Variants in PACS2 observed in about 807,000 individuals in gnomAD.
The protein encoded by PACS2 is phosphofurin acidic cluster sorting protein 2.
Under a neutral mutation model 113.0 loss-of-function variants are expected in PACS2, and 36 were observed. The observed-to-expected ratio is 0.32, with a 90% CI of 0.24 to 0.42. PACS2 has a LOEUF of 0.42. Ranked by LOEUF, PACS2 falls within the 10% of genes least tolerant of loss-of-function variation. The pLI is 1.00. For missense variants in PACS2, 1,015 were observed against 1,239.5 expected (o/e 0.82, Z 2.72); for synonymous variants, 589 against 536.1 (o/e 1.10, Z -1.36).
At chr14:105,359,587 CTTT>C (rs1162190552) in intron 4 of PACS2, among the ~76,000 whole-genome samples, 4 of 101,808 alleles carry the variant, frequency 3.9e-5, no homozygotes, top group African/African-American at 1.6e-4. Context: ...GTATTTCTTT[CTTT>C]TTTTTTTTTT....
rs587645054 is a variant in PACS2, at chr14:105,376,484, C to T, written c.802-284C>T. 1.1e-4 allele frequency among the ~76,000 whole-genome samples: 17 copies of T among 152,268 alleles called. No homozygotes were observed. The highest frequency in any genetic ancestry group is 1.9e-4 in the Non-Finnish European group (13 of 68,014). ...AGTGGCCCACACCCGTCAGAGCTCA[C>T]CTGCCTGCACCCAGGCCCTCCGTGC... is the stretch of plus-strand genomic sequence containing the variant. On this transcript the variant is annotated intron_variant, in intron 8 of 24. Transcript: ENST00000447393. This position sits in a 1 kb window ranked among gnomAD's most constrained non-coding sequence, Gnocchi z 4.7.
At chr14:105,344,800 GTTC>G (rs2059857876) in intron 1 of PACS2, among the ~76,000 whole-genome samples, 2 of 152,200 alleles carry the variant, frequency 1.3e-5, no homozygotes, top group South Asian at 2.1e-4. Context: ...GGTTTAATAT[GTTC>G]TTCTAGTTTC....
chr14:105,314,968 A>G lies in PACS2; in HGVS notation c.50A>G (p.Asn17Ser). The G allele has an allele frequency of 8.2e-7, 1 of 1,223,330 alleles. No homozygotes were observed. The highest frequency in any genetic ancestry group is 1.6e-5 in the South Asian group (1 of 60,670). The allele number at this position is 1,223,330 out of a possible 1,614,324, so 75.8% of individuals were successfully genotyped here. A position where few individuals can be genotyped will look rare whatever the true frequency, so the allele number is the denominator to read the frequency against. The change falls in exon 1 of 25, where the codon AAC (asparagine) becomes AGC (serine). Residue 17 changes from asparagine to serine, a missense_variant. By Grantham distance (46) the Asn-to-Ser change is conservative. Around this residue, in one of 3 missense-constraint regions of PACS2, gnomAD observed 140 missense variants for 135.1 expected, o/e 1.04. Coordinates refer to ENST00000447393, the MANE Select transcript of PACS2 (RefSeq NM_001100913.3). ...LGLPGAPGALNTPVPMNLFAT... is the reference protein window; with the variant it reads ...LGLPGAPGALSTPVPMNLFAT... ...CTCCCCGGCGCGCCCGGCGCGCTCAACACGCCCGTGCCCATGAACCTGTTC... is the reference window on the plus strand; with the variant it reads ...CTCCCCGGCGCGCCCGGCGCGCTCAGCACGCCCGTGCCCATGAACCTGTTC...
At chr14:105,391,825 A>T in intron 22 of PACS2, 59 bp downstream of exon 22, 2 of 1,498,638 alleles carry the variant, frequency 1.3e-6, no homozygotes, top group Non-Finnish European at 1.8e-6. Context: ...ATGCTGCCTG[A>T]TTCAGTCATC....
intron 6 of PACS2, 84 bp from the exon 7 acceptor site, chr14:105,368,375 C>T (rs947253074): frequency 1.7e-5 from 18 of 1,090,896 alleles, no homozygotes; most frequent in Non-Finnish European, 2.4e-5. Context: ...CCGGGCCTCT[C>T]CCATCGCCCA....
rs1555412299 is a variant in PACS2 at position 105,382,463 on chromosome 14, C to T, written c.1414-14C>T. 1 of 1,477,482 alleles carries T rather than the reference C, an allele frequency of 6.8e-7. No individual in the cohort carries two copies. The highest frequency in any genetic ancestry group is 9.5e-7 in the Non-Finnish European group (1 of 1,055,782). 91.5% of individuals were successfully genotyped at this position (1,477,482 alleles called of 1,614,324 possible). ...GCTTCTCTTCTGGGTGTGGACAGGGCTCTGTGCCTCCAGATCCCCAGGAAG... is the reference window on the plus strand; with the variant it reads ...GCTTCTCTTCTGGGTGTGGACAGGGTTCTGTGCCTCCAGATCCCCAGGAAG... On this transcript the variant is annotated splice_polypyrimidine_tract_variant and intron_variant, in intron 13 of 24. Coordinates refer to ENST00000447393, the MANE Select transcript of PACS2 (RefSeq NM_001100913.3).
intron 1 of PACS2, among the ~76,000 whole-genome samples, chr14:105,320,009 C>T (rs587674262): frequency 4.9e-4 from 74 of 152,244 alleles, no homozygotes; most frequent in African/African-American, 1.7e-3. Context: ...GACAGAGTCT[C>T]GCTCTGTTAC....
rs1454495561 is a variant in PACS2 at position 105,358,773 on chromosome 14, G to A, written c.423+3596G>A. Among the ~76,000 whole-genome samples, 2 of 152,200 alleles carry A rather than the reference G, an allele frequency of 1.3e-5. No individual in the cohort carries two copies. The highest frequency in any genetic ancestry group is 4.8e-5 in the African/African-American group (2 of 41,444). ...GTCCAGCCCAAGGGGACCTGTGAGG[G>A]GCGGGCGGCTCATGGTGGGACACAG... On this transcript the variant is annotated intron_variant, in intron 4 of 24. Coordinates refer to ENST00000447393, the MANE Select transcript of PACS2 (RefSeq NM_001100913.3). The surrounding 1 kb of genome is among the most constrained non-coding windows in gnomAD (Gnocchi z 4.9).
At chr14:105,305,824 A>C (rs1326675913) in intron 1 of PACS2, among the ~76,000 whole-genome samples, 1 of 152,242 alleles carries the variant, frequency 6.6e-6, no homozygotes, top group Non-Finnish European at 1.5e-5. Flanking sequence ...GAGCACCCAC[A>C]CTGGGCACCC....
At chr14:105,302,497 A>G (rs760784968) in intron 1 of PACS2, among the ~76,000 whole-genome samples, 1 of 145,062 alleles carries the variant, frequency 6.9e-6, no homozygotes, top group Non-Finnish European at 1.5e-5. Flanking sequence ...GCCACCGTGC[A>G]TGGCCCTATT....
Position 105,365,438 on chromosome 14 carries a change from C to T in PACS2, c.424-1775C>T, listed in dbSNP as rs2060911836. ...AGTGGAGCGGGGGCTAATCAACAAC[C>T]CGCCCCTGGCCCGCTGCGGGCCCAG... On this transcript the variant is annotated intron_variant, in intron 4 of 24. Transcript: ENST00000447393. This position sits in a 1 kb window ranked among gnomAD's most constrained non-coding sequence, Gnocchi z 5.1. Among the ~76,000 whole-genome samples, 1 of 152,144 alleles carries T rather than the reference C, an allele frequency of 6.6e-6. No homozygotes were observed. The highest frequency in any genetic ancestry group is 2.4e-5 in the African/African-American group (1 of 41,428).
intron 1 of PACS2, among the ~76,000 whole-genome samples, chr14:105,322,863 A>T (rs2058953089): frequency 6.6e-6 from 1 of 152,212 alleles, no homozygotes; most frequent in Non-Finnish European, 1.5e-5. Context: ...TCCTTTAGTG[A>T]GGATCTGCTG....
At chr14:105,369,162 G>A (rs2061058252) in intron 7 of PACS2, among the ~76,000 whole-genome samples, 2 of 152,240 alleles carry the variant, frequency 1.3e-5, no homozygotes, top group South Asian at 4.1e-4. Context: ...GCCTCCTCTG[G>A]CAGCATTCAA....
At chr14:105,391,824 G>A (rs1420184452) in intron 22 of PACS2, 58 bp downstream of exon 22, 3 of 1,502,106 alleles carry the variant, frequency 2.0e-6, no homozygotes, top group Non-Finnish European at 2.7e-6. Context: ...CATGCTGCCT[G>A]ATTCAGTCAT....
intron 1 of PACS2, among the ~76,000 whole-genome samples, chr14:105,341,789 A>G (rs1171756352): frequency 1.3e-5 from 2 of 152,180 alleles, no homozygotes; most frequent in African/African-American, 4.8e-5. Flanking sequence ...CAGTGGCTGT[A>G]GCTATGTGTA....
At chr14:105,334,286 C>T (rs1350165779) in intron 1 of PACS2, among the ~76,000 whole-genome samples, 1 of 152,252 alleles carries the variant, frequency 6.6e-6, no homozygotes, top group African/African-American at 2.4e-5. Flanking sequence ...GGTCAGGCCA[C>T]AGACCCCACC....
At position 105,355,042 on chromosome 14, in the gene PACS2, G is replaced by T; in HGVS notation, c.298-10G>T. On this transcript the variant is annotated splice_polypyrimidine_tract_variant and intron_variant, in intron 3 of 24. Transcript: ENST00000447393. The surrounding 1 kb of genome is among the most constrained non-coding windows in gnomAD (Gnocchi z 4.1). ...GCACCCTCAGCTGCCACTCGCACTT[G>T]TGCCCACAGTATCCTCACTTCTTGA... is the stretch of plus-strand genomic sequence containing the variant. 2 of 1,612,382 alleles carry T rather than the reference G, an allele frequency of 1.2e-6. No individual in the cohort carries two copies. The highest frequency in any genetic ancestry group is 1.7e-6 in the Non-Finnish European group (2 of 1,179,458).
At chr14:105,342,475 G>T (rs1555401803) in intron 1 of PACS2, among the ~76,000 whole-genome samples, 1 of 151,760 alleles carries the variant, frequency 6.6e-6, no homozygotes, top group East Asian at 2.0e-4. Flanking sequence ...CGCCATGTTG[G>T]CCAGGCTGGT....
chr14:105,328,465 G>T (rs1366249545), intron 1 of PACS2, among the ~76,000 whole-genome samples: 1 of 152,212 alleles, frequency 6.6e-6, no homozygotes, highest in Non-Finnish European at 1.5e-5. Flanking sequence ...CGCTCCAGCC[G>T]CTGGGCCCAG....
Sources: allele counts gnomAD v4.1 joint callset (sites outside exome capture counted in the v4.1 genomes callset), GRCh38; gene constraint gnomAD v4.1.1; regional missense constraint gnomAD v4.1.1; non-coding constraint Gnocchi (gnomAD v3.1); transcripts MANE v1.5; gene names NCBI Gene and HGNC (gene_info 2026-07-23, HGNC 2026-07-21).